Variants in NCK2 observed in about 807,000 individuals in gnomAD.
NCK2 encodes the protein NCK adaptor protein 2.
In NCK2, 16 loss-of-function variants were observed where a neutral mutation model predicts 33.9. The observed-to-expected ratio is 0.47, with a 90% confidence interval of 0.32 to 0.72. NCK2 has a LOEUF of 0.72. Among genes scored for constraint, NCK2 ranks in the 30% least tolerant of loss-of-function variants. NCK2 has a pLI of 0.03. For missense variants in NCK2, 418 were observed against 537.3 expected, an observed-to-expected ratio of 0.78 and a Z score of 2.19; for synonymous variants, 273 against 239.9, an observed-to-expected ratio of 1.14 and a Z score of -1.27.
At position 105,745,084 on chromosome 2, in the gene NCK2, A is replaced by G. The variant is rs1293487491; in HGVS notation, c.-255A>G. On this transcript the variant is annotated 5_prime_UTR_variant, in exon 1 of 5. Transcript: ENST00000233154. ...GCGCCTGGGCGGGCGCAGCGCGGCC[A>G]CCGCCCCGGGACCCGCGCCGCTGCC... The G allele has an allele frequency of 2.1e-5, 3 of 146,306 alleles. No individual in the cohort carries two copies. The highest frequency in any genetic ancestry group is 3.0e-5 in the Non-Finnish European group (2 of 65,884). 9.1% of individuals were successfully genotyped at this position (146,306 alleles called of 1,614,324 possible).
At chr2:105,783,059 G>A (rs997168883) in intron 1 of NCK2, among the ~76,000 whole-genome samples, 5 of 152,176 alleles carry the variant, frequency 3.3e-5, no homozygotes, top group African/African-American at 4.8e-5. Context: ...GGATATAACC[G>A]TGGAACAAGA....
At chr2:105,767,054 T>A (rs1689974000) in intron 1 of NCK2, among the ~76,000 whole-genome samples, 1 of 152,144 alleles carries the variant, frequency 6.6e-6, no homozygotes, top group Non-Finnish European at 1.5e-5. Flanking sequence ...ACTCGTATGG[T>A]CAGCCAGGTT....
At chr2:105,858,884 A>T (rs1287055133) in intron 3 of NCK2, among the ~76,000 whole-genome samples, 1 of 152,266 alleles carries the variant, frequency 6.6e-6, no homozygotes, top group Non-Finnish European at 1.5e-5. Context: ...AAACATTTGT[A>T]TACTGGATCT....
At chr2:105,746,208 T>A (rs930537707) in intron 1 of NCK2, among the ~76,000 whole-genome samples, 4 of 152,236 alleles carry the variant, frequency 2.6e-5, no homozygotes, top group Non-Finnish European at 5.9e-5. Context: ...AGTTTGCATC[T>A]GCATAATGGG....
At chr2:105,824,292 G>C (rs1675861504) in intron 2 of NCK2, among the ~76,000 whole-genome samples, 1 of 152,216 alleles carries the variant, frequency 6.6e-6, no homozygotes, top group South Asian at 2.1e-4. Flanking sequence ...GGGAATGAGT[G>C]GGAAATGCAG....
chr2:105,869,217 G>C (rs1030170987), intron 3 of NCK2, among the ~76,000 whole-genome samples: 1 of 152,160 alleles, frequency 6.6e-6, no homozygotes, highest in Non-Finnish European at 1.5e-5. Flanking sequence ...AGGGAGGATA[G>C]AGGTGCGTGC....
intron 1 of NCK2, among the ~76,000 whole-genome samples, chr2:105,784,476 A>AGGG (rs1690604240): frequency 6.6e-6 from 1 of 152,216 alleles, no homozygotes; most frequent in Non-Finnish European, 1.5e-5. Context: ...ATTGAGGTGA[A>AGGG]GGGGCATGTT....
chr2:105,788,442 T>A (rs917084512), intron 1 of NCK2, among the ~76,000 whole-genome samples: 1 of 152,222 alleles, frequency 6.6e-6, no homozygotes. Flanking sequence ...ATATTTATAG[T>A]CATACTCTAT....
Position 105,805,514 on chromosome 2 carries a change from TA to T in NCK2, c.-200-10915del, listed in dbSNP as rs374605465. Among the ~76,000 whole-genome samples, 46 of 152,352 alleles carry T rather than the reference TA, an allele frequency of 3.0e-4. 1 individual carries two copies. The East Asian group carries it at 8.9e-3, about 29-fold the overall frequency. ...ACTATTAGCCTTTTAAAATTTCATT[TA>T]TTTTTAAAATTAAACATTTTAAATT... is the stretch of plus-strand genomic sequence containing the variant. On this transcript the variant is annotated intron_variant, in intron 1 of 4. Coordinates refer to ENST00000233154, the MANE Select transcript of NCK2 (RefSeq NM_003581.5).
At chr2:105,871,740 C>T (rs375890921) in intron 3 of NCK2, among the ~76,000 whole-genome samples, 18 of 152,142 alleles carry the variant, frequency 1.2e-4, no homozygotes, top group African/African-American at 2.4e-4. Context: ...AGTGATCTGC[C>T]CACCTTGGCC....
chr2:105,828,527 T>C (rs941277009), intron 2 of NCK2, among the ~76,000 whole-genome samples: 1 of 152,286 alleles, frequency 6.6e-6, no homozygotes, highest in Non-Finnish European at 1.5e-5. Context: ...AATGACTTTG[T>C]CTCGACTCTG....
rs139424488 is a variant in NCK2 at position 105,866,500 on chromosome 2, C to T, written c.226+11211C>T. On this transcript the variant is annotated intron_variant, in intron 3 of 4. Coordinates refer to ENST00000233154, the MANE Select transcript of NCK2 (RefSeq NM_003581.5). ...CATGGATGGTGGCAGGAGGTGGGGGCGATGGTTTCGGGATGAAACTGTTCC... is the reference window on the plus strand; with the variant it reads ...CATGGATGGTGGCAGGAGGTGGGGGTGATGGTTTCGGGATGAAACTGTTCC... 4.4e-3 allele frequency among the ~76,000 whole-genome samples: 670 copies of T among 152,198 alleles called. 2 individuals are homozygous for T. The highest frequency in any genetic ancestry group is 7.7e-3 in the South Asian group (37 of 4,820).
At chr2:105,773,983 G>T (rs6736701) in intron 1 of NCK2, among the ~76,000 whole-genome samples, 73,539 of 151,106 alleles carry the variant, frequency 0.49, 19,001 homozygotes, top group African/African-American at 0.65. Flanking sequence ...GAAGTCCTCA[G>T]GTGGAAGATG....
At chr2:105,858,935 T>A (rs897465413) in intron 3 of NCK2, among the ~76,000 whole-genome samples, 1 of 152,232 alleles carries the variant, frequency 6.6e-6, no homozygotes, top group Admixed American at 6.5e-5. Context: ...GTCAGAACTT[T>A]GCCACAGATA....
intron 2 of NCK2, among the ~76,000 whole-genome samples, chr2:105,843,856 C>T (rs1222748474): frequency 6.6e-6 from 1 of 152,182 alleles, no homozygotes; most frequent in Admixed American, 6.5e-5. Context: ...CACCCTTAAG[C>T]GTGGGCTGTT....
intron 1 of NCK2, among the ~76,000 whole-genome samples, chr2:105,758,914 A>C (rs1439256624): frequency 6.6e-6 from 1 of 152,220 alleles, no homozygotes; most frequent in Admixed American, 6.5e-5. Flanking sequence ...AGCATTCAAA[A>C]CTAGTAAAAT....
At chr2:105,855,317 G>A in intron 3 of NCK2, 28 bp downstream of exon 3, 1 of 1,531,166 alleles carries the variant, frequency 6.5e-7, no homozygotes, top group Non-Finnish European at 8.9e-7. Context: ...GAGAGAGGAA[G>A]CCTTGTGCAT....
chr2:105,880,936 A>ATTTTTTTTTTTTTT (rs59005322), intron 3 of NCK2, among the ~76,000 whole-genome samples: 2 of 103,542 alleles, frequency 1.9e-5, no homozygotes, highest in African/African-American at 3.5e-5. Context: ...CAGGTGGCTA[A>ATTTTTTTTTTTTTT]TTTTTTTTTT....
chr2:105,796,967 C>T (rs1460477985), intron 1 of NCK2, among the ~76,000 whole-genome samples: 1 of 152,102 alleles, frequency 6.6e-6, no homozygotes, highest in Non-Finnish European at 1.5e-5. Flanking sequence ...GGTTCAGTAC[C>T]CCTAGCTGGG....
Sources: gnomAD v4.1 joint callset for allele counts (sites outside exome capture counted in the v4.1 genomes callset) on GRCh38, gnomAD v4.1.1 for gene constraint, MANE v1.5 for transcripts, NCBI Gene and HGNC (gene_info 2026-07-23, HGNC 2026-07-21) for gene names.